EXOC4: variants seen among roughly 807,000 people sequenced by gnomAD.
EXOC4 encodes SEC8-like 1.
In EXOC4, 71 loss-of-function variants were observed where a neutral mutation model predicts 107.2. The observed-to-expected ratio is 0.66, with a 90% CI of 0.55 to 0.81. EXOC4 has a LOEUF of 0.81. Among genes scored for constraint, EXOC4 ranks in the 30% least tolerant of loss-of-function variants. EXOC4 has a pLI of 0.00. For missense variants in EXOC4, 1,108 were observed against 1,189.6 expected, an observed-to-expected ratio of 0.93 and a Z score of 1.01; for synonymous variants, 456 against 441.2, an observed-to-expected ratio of 1.03 and a Z score of -0.42.
chr7:133,813,566 C>CA (rs927585486), intron 10 of EXOC4, among the ~76,000 whole-genome samples: 61 of 152,208 alleles, frequency 4.0e-4, no homozygotes, highest in African/African-American at 1.4e-3. Context: ...TAGATGAGAA[C>CA]AGAAGGGGTC....
intron 10 of EXOC4, among the ~76,000 whole-genome samples, chr7:133,813,638 T>A (rs1462330444): frequency 1.3e-5 from 2 of 152,134 alleles, no homozygotes; most frequent in Non-Finnish European, 2.9e-5. Flanking sequence ...CCATCTACTT[T>A]TATTTCATTT....
chr7:133,268,239 T>G (rs1793781983), intron 1 of EXOC4, among the ~76,000 whole-genome samples: 1 of 152,220 alleles, frequency 6.6e-6, no homozygotes, highest in Non-Finnish European at 1.5e-5. Flanking sequence ...TCCGTTTGAA[T>G]CTGGGTGTTT....
At chr7:133,854,408 GCACACACACACACACA>G (rs56849407) in intron 11 of EXOC4, among the ~76,000 whole-genome samples, 19 of 139,570 alleles carry the variant, frequency 1.4e-4, no homozygotes, top group South Asian at 7.2e-4. Context: ...TGTTGAAAGA[GCACACACACACACACA>G]CACACACACA....
chr7:133,297,759 G>C lies in EXOC4; in HGVS notation c.472-8118G>C, dbSNP rs536857016. Among the ~76,000 whole-genome samples the C allele has an allele frequency of 2.0e-5, 3 of 152,270 alleles. No individual in the cohort carries two copies. In the South Asian group the frequency reaches 6.2e-4, roughly 32 times the overall value. ...GTAAAAAGAAAATGCAGGAGTCTGG[G>C]CTTGTTTACACTGAGCAGCATTTCT... On this transcript the variant is annotated intron_variant, in intron 3 of 17. Transcript: ENST00000253861.
At chr7:133,600,608 C>T (rs1801783908) in intron 9 of EXOC4, among the ~76,000 whole-genome samples, 1 of 152,110 alleles carries the variant, frequency 6.6e-6, no homozygotes, top group Non-Finnish European at 1.5e-5. Flanking sequence ...TCAGCATTTA[C>T]ATTTACATAT....
At chr7:133,882,932 C>T (rs1798996665) in intron 11 of EXOC4, among the ~76,000 whole-genome samples, 1 of 152,136 alleles carries the variant, frequency 6.6e-6, no homozygotes, top group Non-Finnish European at 1.5e-5. Flanking sequence ...TGATGTTAAC[C>T]TTACAAATTC....
chr7:133,476,524 A>G (rs969595014), intron 8 of EXOC4, among the ~76,000 whole-genome samples: 2 of 152,124 alleles, frequency 1.3e-5, no homozygotes, highest in Admixed American at 6.5e-5. Flanking sequence ...CTGTTGATTC[A>G]CATTTGAGGC....
At chr7:133,839,268 A>C (rs540241551) in intron 11 of EXOC4, among the ~76,000 whole-genome samples, 5 of 152,150 alleles carry the variant, frequency 3.3e-5, no homozygotes, top group Non-Finnish European at 7.3e-5. Context: ...TTTTTCCTGC[A>C]TATGTGCATT....
chr7:133,406,665 C>G (rs911708148), intron 7 of EXOC4, among the ~76,000 whole-genome samples: 1 of 152,186 alleles, frequency 6.6e-6, no homozygotes, highest in African/African-American at 2.4e-5. Context: ...AATTACAGCA[C>G]ATAAATAAAA....
At chr7:133,544,972 T>A (rs748035418) in intron 9 of EXOC4, among the ~76,000 whole-genome samples, 1 of 152,068 alleles carries the variant, frequency 6.6e-6, no homozygotes, top group Non-Finnish European at 1.5e-5. Flanking sequence ...TAAATTTCAT[T>A]TCACTTTGGG....
intron 7 of EXOC4, among the ~76,000 whole-genome samples, chr7:133,415,021 T>C (rs1252870537): frequency 6.6e-6 from 1 of 152,174 alleles, no homozygotes; most frequent in Non-Finnish European, 1.5e-5. Context: ...TTCATATAAA[T>C]GAAATCATAT....
At chr7:133,587,288 A>G (rs1801430004) in intron 9 of EXOC4, among the ~76,000 whole-genome samples, 1 of 152,330 alleles carries the variant, frequency 6.6e-6, no homozygotes, top group South Asian at 2.1e-4. Flanking sequence ...TGTTTTGTCC[A>G]GTTTTTATTA....
the EXOC4 span, among the ~76,000 whole-genome samples, chr7:134,085,675 C>T: frequency 1.3e-5 from 2 of 152,166 alleles, no homozygotes; most frequent in African/African-American, 4.8e-5. Context: ...ATGTTGTTGT[C>T]ATTATTTGAT....
intron 9 of EXOC4, among the ~76,000 whole-genome samples, chr7:133,517,142 A>G (rs1799892484): frequency 6.6e-6 from 1 of 152,134 alleles, no homozygotes; most frequent in African/African-American, 2.4e-5. Context: ...TGTAAAAATA[A>G]TATTAAGACA....
At chr7:133,405,036 T>G (rs1402194961) in intron 7 of EXOC4, among the ~76,000 whole-genome samples, 1 of 152,102 alleles carries the variant, frequency 6.6e-6, no homozygotes, top group Non-Finnish European at 1.5e-5. Flanking sequence ...ATCATGCTAC[T>G]CTACTCCAGC....
chr7:133,373,884 A>C (rs1796430123), intron 6 of EXOC4, among the ~76,000 whole-genome samples: 1 of 152,232 alleles, frequency 6.6e-6, no homozygotes, highest in Non-Finnish European at 1.5e-5. Context: ...TGGAGAAGTG[A>C]GGTAAAGTAT....
chr7:133,983,825 C>T (rs1794050821), intron 14 of EXOC4, among the ~76,000 whole-genome samples: 1 of 152,172 alleles, frequency 6.6e-6, no homozygotes, highest in South Asian at 2.1e-4. Context: ...AAATCTAATA[C>T]AGCACCACAA....
intron 9 of EXOC4, among the ~76,000 whole-genome samples, chr7:133,517,697 A>G (rs1165733914): frequency 3.2e-5 from 2 of 63,192 alleles, no homozygotes; most frequent in Admixed American, 1.9e-4. Context: ...CCATGATTCA[A>G]TTACCCCCCA....
intron 10 of EXOC4, among the ~76,000 whole-genome samples, chr7:133,662,588 A>G (rs1021938003): frequency 3.3e-5 from 5 of 151,660 alleles, no homozygotes; most frequent in Admixed American, 6.6e-5. Flanking sequence ...GCGTTATTTA[A>G]TCTAGAGTAA....
Sources: gnomAD v4.1 joint callset for allele counts (sites outside exome capture counted in the v4.1 genomes callset) on GRCh38, gnomAD v4.1.1 for gene constraint, MANE v1.5 for transcripts, NCBI Gene and HGNC (gene_info 2026-07-23, HGNC 2026-07-21) for gene names.